The following DEK variants were observed in gnomAD, a reference collection of about 807,000 sequenced individuals.
DEK encodes the protein protein DEK.
Under a neutral mutation model 46.8 loss-of-function variants are expected in DEK, and 28 were observed. The ratio of observed to expected loss-of-function variants is 0.60; its 90% CI spans 0.44 to 0.82. DEK has a LOEUF of 0.82. DEK is among the 40% of genes least tolerant of loss of function. The pLI is 0.00. For missense variants in DEK, 416 were observed against 430.6 expected, an observed-to-expected ratio of 0.97 and a Z score of 0.30; for synonymous variants, 160 against 144.5, an observed-to-expected ratio of 1.11 and a Z score of -0.77.
Position 18,258,288 on chromosome 6 carries a change from G to C in DEK, c.247+16C>G. On this transcript the variant is annotated intron_variant, in intron 3 of 10. Coordinates refer to ENST00000652689, the MANE Select transcript of DEK (RefSeq NM_003472.4). Reference sequence around the variant, plus strand: ...CACTTTCACCACAAAATGAAAGGAAGCTAGAATAAACTTACCTTGTGCAAT... The same window carrying C: ...CACTTTCACCACAAAATGAAAGGAACCTAGAATAAACTTACCTTGTGCAAT... 3 of 1,589,520 alleles carry C rather than the reference G, an allele frequency of 1.9e-6. No homozygotes were observed. Among genetic ancestry groups the C allele is most frequent in the Non-Finnish European group, 2.6e-6 (3 of 1,167,310 alleles).
chr6:18,256,524 A>T, intron 4 of DEK, 69 bp from the exon 5 acceptor site: 1 of 1,335,576 alleles, frequency 7.5e-7, no homozygotes, highest in Non-Finnish European at 1.0e-6. Context: ...ATTCAAAGCC[A>T]ATTCAAAGTC....
Position 18,259,061 on chromosome 6 carries a change from T to C in DEK, c.146-656A>G, listed in dbSNP as rs1000205166. Reference sequence around the variant, plus strand: ...CACAAAAATCTACGGTGAGGCGCGGTGGCTCATGCCTGTAATCCCAGCACT... The same window carrying C: ...CACAAAAATCTACGGTGAGGCGCGGCGGCTCATGCCTGTAATCCCAGCACT... On this transcript the variant is annotated intron_variant, in intron 2 of 10. Transcript: ENST00000652689. Among the ~76,000 whole-genome samples, 9 of 152,102 alleles carry C rather than the reference T, an allele frequency of 5.9e-5. No individual in the cohort carries two copies. In the East Asian group the frequency reaches 1.7e-3, roughly 29 times the overall value.
intron 7 of DEK, chr6:18,244,474 A>C (rs1241903405): frequency 3.4e-6 from 4 of 1,178,288 alleles, no homozygotes; most frequent in East Asian, 1.1e-4. Flanking sequence ...TTTTTGAAGG[A>C]AGGCAAAAAA....
chr6:18,250,207 T>C (rs1003431654), intron 6 of DEK, among the ~76,000 whole-genome samples: 1 of 152,212 alleles, frequency 6.6e-6, no homozygotes, highest in African/African-American at 2.4e-5. Context: ...ATTAAAACTG[T>C]CACTGCCAAC....
intron 6 of DEK, among the ~76,000 whole-genome samples, chr6:18,250,706 G>A (rs1039507019): frequency 1.3e-5 from 2 of 149,574 alleles, no homozygotes; most frequent in African/African-American, 2.5e-5. Context: ...ATGTTGGCCA[G>A]GCTGGTCTCA....
intron 8 of DEK, among the ~76,000 whole-genome samples, chr6:18,236,808 G>A (rs1200105051): frequency 6.6e-6 from 1 of 152,102 alleles, no homozygotes; most frequent in African/African-American, 2.4e-5. Context: ...TGGTATACAG[G>A]TTAGGCATCC....
intron 4 of DEK, 48 bp from the exon 5 acceptor site, chr6:18,256,503 C>T (rs1234192782): frequency 3.4e-6 from 5 of 1,474,636 alleles, no homozygotes; most frequent in Non-Finnish European, 4.7e-6. Context: ...CAGTAATGTA[C>T]ACAAGAATAA....
At chr6:18,258,995 C>A (rs886071681) in intron 2 of DEK, among the ~76,000 whole-genome samples, 2 of 152,016 alleles carry the variant, frequency 1.3e-5, no homozygotes, top group Non-Finnish European at 2.9e-5. Flanking sequence ...AATAACATTC[C>A]TAATGATGAC....
chr6:18,258,852 A>G (rs566411233), intron 2 of DEK, among the ~76,000 whole-genome samples: 100 of 152,304 alleles, frequency 6.6e-4, no homozygotes, highest in Non-Finnish European at 1.0e-3. Flanking sequence ...AACAATAACA[A>G]TTTAGTAAAC....
At chr6:18,245,257 A>G (rs909052118) in intron 7 of DEK, among the ~76,000 whole-genome samples, 3 of 152,252 alleles carry the variant, frequency 2.0e-5, no homozygotes, top group Non-Finnish European at 1.5e-5. Flanking sequence ...CCTTGTGATC[A>G]TGAAGTTAAT....
intron 9 of DEK, among the ~76,000 whole-genome samples, chr6:18,232,512 A>G (rs1189359772): frequency 2.0e-5 from 3 of 152,240 alleles, no homozygotes; most frequent in African/African-American, 7.2e-5. Flanking sequence ...CAACTTCAGC[A>G]AAGTCTCAGG....
rs1790054829 is a variant in DEK at position 18,225,152 on chromosome 6, T to G, written c.*567A>C. The G allele has an allele frequency of 4.5e-6, 1 of 221,294 alleles. No homozygotes were observed. The highest frequency in any genetic ancestry group is 9.0e-6 in the Non-Finnish European group (1 of 110,592). The allele number at this position is 221,294 out of a possible 1,614,324, so 13.7% of individuals were successfully genotyped here. On this transcript the variant is annotated 3_prime_UTR_variant, in exon 11 of 11. Transcript: ENST00000652689. ...TTTTTAAAAATACAAAAATAACATC[T>G]GTCACTTTTGTCATGCTGACAATTT... is the stretch of plus-strand genomic sequence containing the variant.
rs376437691 is a variant in DEK, at chr6:18,254,341, TAAC to T, written c.573+1387_573+1389del. The stretch of plus-strand genomic sequence containing the variant: ...GTGAGAATCTGTCTCAAAACAACAG[TAAC>T]AACAACAGTAACAACAACAACAACA... On this transcript the variant is annotated intron_variant, in intron 6 of 10. Coordinates refer to ENST00000652689, the MANE Select transcript of DEK (RefSeq NM_003472.4). 2.8e-4 allele frequency among the ~76,000 whole-genome samples: 43 copies of T among 151,174 alleles called. 1 individual carries two copies. In the East Asian group the frequency reaches 7.8e-3, roughly 27 times the overall value.
chr6:18,247,227 G>A (rs1329498252), intron 7 of DEK, among the ~76,000 whole-genome samples: 1 of 152,018 alleles, frequency 6.6e-6, no homozygotes, highest in African/African-American at 2.4e-5. Context: ...TGAAGACAGT[G>A]CTAAATTTAA....
intron 7 of DEK, among the ~76,000 whole-genome samples, chr6:18,242,094 A>T (rs1167682715): frequency 6.6e-6 from 1 of 152,230 alleles, no homozygotes; most frequent in Non-Finnish European, 1.5e-5. Flanking sequence ...CATAAACAAG[A>T]AGCTTTAGAA....
At chr6:18,247,997 A>T (rs1416723031) in intron 7 of DEK, among the ~76,000 whole-genome samples, 1 of 152,200 alleles carries the variant, frequency 6.6e-6, no homozygotes, top group East Asian at 1.9e-4. Flanking sequence ...ACCTGCACCT[A>T]GTAATGACAA....
rs549402222 is a variant in DEK, at chr6:18,249,980, C to T, written c.574-141G>A. 75 of 1,326,540 alleles carry T rather than the reference C, an allele frequency of 5.7e-5. 2 individuals are homozygous for T. In the South Asian group the frequency reaches 1.1e-3, roughly 19 times the overall value. 82.2% of individuals were successfully genotyped at this position (1,326,540 alleles called of 1,614,324 possible). A position where few individuals can be genotyped will look rare whatever the true frequency, so the allele number is the denominator to read the frequency against. ...GCCCAGCAGCTTTGCAGAGAATAATCTTTAACCGTGTCAGGTTAACCTAAA... is the reference window on the plus strand; with the variant it reads ...GCCCAGCAGCTTTGCAGAGAATAATTTTTAACCGTGTCAGGTTAACCTAAA... On this transcript the variant is annotated intron_variant, in intron 6 of 10. Transcript: ENST00000652689.
chr6:18,237,860 C>CTTTTT (rs60332682), intron 7 of DEK, among the ~76,000 whole-genome samples: 39 of 88,498 alleles, frequency 4.4e-4, no homozygotes, highest in Non-Finnish European at 5.9e-4. Context: ...CAACTGGAAT[C>CTTTTT]TTTTTTTTTT....
chr6:18,249,410 G>C (rs1326937216), intron 7 of DEK, among the ~76,000 whole-genome samples: 1 of 152,086 alleles, frequency 6.6e-6, no homozygotes, highest in Non-Finnish European at 1.5e-5. Context: ...TCAACGTCCA[G>C]CTCAAGGCCC....
Sources: gnomAD v4.1 joint callset for allele counts (sites outside exome capture counted in the v4.1 genomes callset) on GRCh38, gnomAD v4.1.1 for gene constraint, MANE v1.5 for transcripts, NCBI Gene and HGNC (gene_info 2026-07-23, HGNC 2026-07-21) for gene names.